The following ACTR3C variants were observed in gnomAD, a reference collection of about 807,000 sequenced individuals.
The protein encoded by ACTR3C is actin related protein 3C, also known as actin-related protein 3C.
In ACTR3C, 18 loss-of-function variants were observed where a neutral mutation model predicts 26.3. The observed-to-expected ratio is 0.68, with a 90% CI of 0.47 to 1.01. ACTR3C has a LOEUF of 1.01. Among genes scored for constraint, ACTR3C ranks in the 50% least tolerant of loss-of-function variants. The probability of loss-of-function intolerance (pLI) is 0.00; values close to 1 mark genes in which losing one functional copy is unlikely to be tolerated. For missense variants in ACTR3C, 184 were observed against 250.7 expected, an observed-to-expected ratio of 0.73 and a Z score of 1.80; for synonymous variants, 55 against 94.5, an observed-to-expected ratio of 0.58 and a Z score of 2.42.
the ACTR3C span, among the ~76,000 whole-genome samples, chr7:149,951,155 G>T: frequency 1.1e-5 from 1 of 87,824 alleles, no homozygotes; most frequent in Non-Finnish European, 2.1e-5. Context: ...TGAGGAGCAG[G>T]GTGGGAACTT....
chr7:150,255,381 A>T (rs984567632), intron 6 of ACTR3C, among the ~76,000 whole-genome samples: 2 of 150,782 alleles, frequency 1.3e-5, no homozygotes, highest in Non-Finnish European at 1.5e-5. Context: ...TAGGGTTTTG[A>T]CTTGAACGCT....
chr7:150,315,724 A>G (rs1796799444), intron 1 of ACTR3C, among the ~76,000 whole-genome samples: 1 of 151,850 alleles, frequency 6.6e-6, no homozygotes, highest in Non-Finnish European at 1.5e-5. Flanking sequence ...TTCCAGAGAG[A>G]CTCTAGCATG....
chr7:149,997,106 TTCTGACCACTCC>T, the ACTR3C span, among the ~76,000 whole-genome samples: 1 of 147,644 alleles, frequency 6.8e-6, no homozygotes. Context: ...GGTCAGGTTC[TTCTGACCACTCC>T]TCAGCCACGA....
chr7:150,196,650 G>A, the ACTR3C span, among the ~76,000 whole-genome samples: 1 of 152,196 alleles, frequency 6.6e-6, no homozygotes, highest in African/African-American at 2.4e-5. Context: ...CTGCAGAATA[G>A]TAGAGAGTTA....
At chr7:150,043,359 G>T in the ACTR3C span, among the ~76,000 whole-genome samples, 1 of 151,390 alleles carries the variant, frequency 6.6e-6, no homozygotes, top group Non-Finnish European at 1.5e-5. Context: ...GGGGTCACAA[G>T]AGCCAGAGGG....
At chr7:149,900,803 C>T in the ACTR3C span, among the ~76,000 whole-genome samples, 2 of 151,880 alleles carry the variant, frequency 1.3e-5, no homozygotes, top group African/African-American at 4.8e-5. Flanking sequence ...TTTGGAAGGC[C>T]GAGGCAGGTG....
At chr7:150,148,249 A>G in the ACTR3C span, among the ~76,000 whole-genome samples, 1 of 150,640 alleles carries the variant, frequency 6.6e-6, no homozygotes, top group African/African-American at 2.4e-5. Context: ...GAGGCTGATG[A>G]GGGCGGATCA....
chr7:149,904,538 A>C, the ACTR3C span, among the ~76,000 whole-genome samples: 1 of 78,068 alleles, frequency 1.3e-5, no homozygotes, highest in Non-Finnish European at 3.3e-5. Flanking sequence ...CTCAAAAAAC[A>C]ACAACAACAA....
the ACTR3C span, among the ~76,000 whole-genome samples, chr7:150,156,604 G>A: frequency 1.4e-4 from 21 of 152,042 alleles, no homozygotes; most frequent in Admixed American, 7.9e-4. Flanking sequence ...GAGAGAGAGC[G>A]ATTTGGATTA....
At chr7:149,969,479 G>A in the ACTR3C span, among the ~76,000 whole-genome samples, 112 of 152,262 alleles carry the variant, frequency 7.4e-4, no homozygotes, top group Non-Finnish European at 1.2e-3. Context: ...AGTGAGGGCC[G>A]TGCATGAGCG....
the ACTR3C span, among the ~76,000 whole-genome samples, chr7:150,082,139 G>A: frequency 2.6e-5 from 4 of 152,192 alleles, no homozygotes; most frequent in South Asian, 2.1e-4. Context: ...CTTGTGAACT[G>A]TTCCTTCCTT....
At chr7:150,286,240 G>C (rs1281008366) in intron 5 of ACTR3C, 127 bp downstream of exon 5, 11 of 1,259,214 alleles carry the variant, frequency 8.7e-6, no homozygotes, top group Non-Finnish European at 1.1e-5. Flanking sequence ...CTGCATGGGG[G>C]ATGCAGAGAG....
At chr7:150,012,574 C>T in the ACTR3C span, among the ~76,000 whole-genome samples, 1 of 150,538 alleles carries the variant, frequency 6.6e-6, no homozygotes, top group Non-Finnish European at 1.5e-5. Context: ...CTCGGCCTCC[C>T]AAAGTGCTGG....
At chr7:149,956,170 C>T in the ACTR3C span, among the ~76,000 whole-genome samples, 2 of 152,112 alleles carry the variant, frequency 1.3e-5, no homozygotes, top group African/African-American at 4.8e-5. Context: ...TTGAGTGTTT[C>T]TAAAACTCTA....
chr7:150,042,974 C>T, the ACTR3C span, among the ~76,000 whole-genome samples: 5 of 151,264 alleles, frequency 3.3e-5, no homozygotes, highest in African/African-American at 7.3e-5. Context: ...TCAAAGTTTC[C>T]GGGTCCCCGC....
chr7:150,003,878 GTTAT>G, the ACTR3C span, among the ~76,000 whole-genome samples: 1 of 145,654 alleles, frequency 6.9e-6, no homozygotes, highest in South Asian at 2.2e-4. Flanking sequence ...GATGTGGTAT[GTTAT>G]GGGGTGTGTG....
At chr7:150,314,296 C>A (rs915956894) in intron 1 of ACTR3C, among the ~76,000 whole-genome samples, 2 of 152,200 alleles carry the variant, frequency 1.3e-5, no homozygotes, top group African/African-American at 4.8e-5. Flanking sequence ...TTCCTTTAGC[C>A]CTGCCAAGGA....
the ACTR3C span, among the ~76,000 whole-genome samples, chr7:150,212,625 C>T: frequency 6.6e-6 from 1 of 151,594 alleles, no homozygotes; most frequent in Non-Finnish European, 1.5e-5. Context: ...ACCAATTAGA[C>T]AACTAAGCTT....
chr7:150,279,138 AC>A (rs1398839971), intron 6 of ACTR3C, among the ~76,000 whole-genome samples: 1 of 152,152 alleles, frequency 6.6e-6, no homozygotes, highest in Non-Finnish European at 1.5e-5. Flanking sequence ...CCTCAACTCT[AC>A]AAAAAAAAAT....
Sources: gnomAD v4.1 joint callset for allele counts (sites outside exome capture counted in the v4.1 genomes callset) on GRCh38, gnomAD v4.1.1 for gene constraint, MANE v1.5 for transcripts, NCBI Gene and HGNC (gene_info 2026-07-23, HGNC 2026-07-21) for gene names.